The following DYNAP variants were observed in gnomAD, a reference collection of about 807,000 sequenced individuals.
DYNAP encodes dynactin-associated protein.
DYNAP carries 7 observed loss-of-function variants against 8.5 expected under a neutral mutation model. The ratio of observed to expected loss-of-function variants is 0.82; its 90% CI spans 0.47 to 1.54. The LOEUF is 1.54. DYNAP is among the 40% of genes most tolerant of loss of function. DYNAP has a pLI of 0.01. For missense variants in DYNAP, 256 were observed against 224.3 expected, an observed-to-expected ratio of 1.14 and a Z score of -0.90; for synonymous variants, 77 against 77.9, an observed-to-expected ratio of 0.99 and a Z score of 0.06.
rs141475163 is a variant in DYNAP at position 54,591,856 on chromosome 18, C to A, written c.57+517C>A. On this transcript the variant is annotated intron_variant, in intron 1 of 2. Coordinates refer to ENST00000648945, the MANE Select transcript of DYNAP (RefSeq NM_173629.3). ...CTGCTTTTTAAAAAATATTTTTATA[C>A]CAAAAACCAAGCCTTCAGTGTATAG... is the stretch of plus-strand genomic sequence containing the variant. Among the ~76,000 whole-genome samples, 6 of 152,076 alleles carry A rather than the reference C, an allele frequency of 3.9e-5. No homozygotes were observed. In the East Asian group the frequency reaches 1.2e-3, roughly 29 times the overall value.
chr18:54,575,627 G>T, the DYNAP span, among the ~76,000 whole-genome samples: 331 of 151,880 alleles, frequency 2.2e-3, 2 homozygotes, highest in African/African-American at 7.4e-3. Context: ...TTGTAGAGAC[G>T]GGGGTCTCAC....
At chr18:54,595,186 T>A in intron 2 of DYNAP, 83 bp downstream of exon 2, 1 of 1,375,680 alleles carries the variant, frequency 7.3e-7, no homozygotes, top group Non-Finnish European at 9.6e-7. Context: ...TCCCAAGAAA[T>A]GTACTTAATT....
chr18:54,592,311 CT>C (rs1426444905), intron 1 of DYNAP, among the ~76,000 whole-genome samples: 1 of 151,968 alleles, frequency 6.6e-6, no homozygotes, highest in Non-Finnish European at 1.5e-5. Flanking sequence ...TATGTATCAT[CT>C]TGATAGTTTT....
rs1911439779 is a variant in DYNAP, at chr18:54,599,323, A to C, written c.*1178A>C. On this transcript the variant is annotated 3_prime_UTR_variant, in exon 3 of 3. Transcript: ENST00000648945. ...CTTAAAACTTGATAGAACTAGCATC[A>C]GTCATCAAAATAACCTGTTCTATAT... 1 of 152,146 alleles carries C rather than the reference A, an allele frequency of 6.6e-6. No individual in the cohort carries two copies. The highest frequency in any genetic ancestry group is 1.5e-5 in the Non-Finnish European group (1 of 68,002). The allele number at this position is 152,146 out of a possible 1,614,324, so 9.4% of individuals were successfully genotyped here. A position where few individuals can be genotyped will look rare whatever the true frequency, so the allele number is the denominator to read the frequency against.
chr18:54,577,649 CAAAAG>C, the DYNAP span, among the ~76,000 whole-genome samples: 2 of 145,406 alleles, frequency 1.4e-5, no homozygotes, highest in East Asian at 4.0e-4. Context: ...CTTATTGTCT[CAAAAG>C]AAAAGAAAAG....
upstream of DYNAP, among the ~76,000 whole-genome samples, chr18:54,582,835 A>G (rs1189554119): frequency 6.6e-6 from 1 of 152,130 alleles, no homozygotes; most frequent in Non-Finnish European, 1.5e-5. Context: ...AAGCTACCCT[A>G]GCTTTCATTA....
chr18:54,591,388 T>A, intron 1 of DYNAP, 49 bp downstream of exon 1: 1 of 1,551,944 alleles, frequency 6.4e-7, no homozygotes, highest in Non-Finnish European at 8.7e-7. Flanking sequence ...TACAGTTTCA[T>A]TTTCAGCATT....
At chr18:54,596,420 G>A (rs1911291132) in intron 2 of DYNAP, among the ~76,000 whole-genome samples, 1 of 152,060 alleles carries the variant, frequency 6.6e-6, no homozygotes, top group South Asian at 2.1e-4. Context: ...CCTGGGGACT[G>A]TTTAAGACCA....
upstream of DYNAP, among the ~76,000 whole-genome samples, chr18:54,586,434 GA>G (rs1357869757): frequency 6.6e-6 from 1 of 152,164 alleles, no homozygotes; most frequent in East Asian, 1.9e-4. Flanking sequence ...TTAGAAACCT[GA>G]ATTCCAGCCA....
At chr18:54,595,667 C>A (rs998136633) in intron 2 of DYNAP, among the ~76,000 whole-genome samples, 1 of 152,118 alleles carries the variant, frequency 6.6e-6, no homozygotes, top group African/African-American at 2.4e-5. Context: ...AGACTCAGCT[C>A]TCCTTGGTTC....
At chr18:54,578,496 A>G in the DYNAP span, among the ~76,000 whole-genome samples, 1 of 152,248 alleles carries the variant, frequency 6.6e-6, no homozygotes, top group Non-Finnish European at 1.5e-5. Context: ...TTTCAAATAT[A>G]AAGAGCAATC....
the DYNAP span, among the ~76,000 whole-genome samples, chr18:54,576,967 T>C: frequency 2.0e-5 from 3 of 152,214 alleles, no homozygotes. Flanking sequence ...TATTCTAATA[T>C]CATTCTTGGC....
At chr18:54,584,155 T>C (rs112463838), upstream of DYNAP, among the ~76,000 whole-genome samples, 5,685 of 151,640 alleles carry the variant, frequency 0.037, 349 homozygotes, top group African/African-American at 0.13. Context: ...GGAAACAATA[T>C]TGGAAATATA....
At chr18:54,579,116 A>C in the DYNAP span, among the ~76,000 whole-genome samples, 6 of 152,126 alleles carry the variant, frequency 3.9e-5, no homozygotes, top group Non-Finnish European at 8.8e-5. Flanking sequence ...GCAGTTTATT[A>C]ACTTCTCAAC....
At chr18:54,581,866 T>C in the DYNAP span, among the ~76,000 whole-genome samples, 1 of 152,214 alleles carries the variant, frequency 6.6e-6, no homozygotes, top group Non-Finnish European at 1.5e-5. Flanking sequence ...TCCACTTAGC[T>C]CCACAAGAAT....
chr18:54,592,945 G>C (rs1298958776), intron 1 of DYNAP, among the ~76,000 whole-genome samples: 1 of 152,108 alleles, frequency 6.6e-6, no homozygotes, highest in Non-Finnish European at 1.5e-5. Flanking sequence ...AAAATGTTCA[G>C]GTTCATCAGC....
At position 54,598,220 on chromosome 18, in the gene DYNAP, G is replaced by A; in HGVS notation, c.*75G>A. ...TTCAACTCAGTTTGCAACTATAATAGCTACTCCTATCACTTCAAGTGGAAT... is the reference window on the plus strand; with the variant it reads ...TTCAACTCAGTTTGCAACTATAATAACTACTCCTATCACTTCAAGTGGAAT... On this transcript the variant is annotated 3_prime_UTR_variant, in exon 3 of 3. Coordinates refer to ENST00000648945, the MANE Select transcript of DYNAP (RefSeq NM_173629.3). 7.0e-7 allele frequency: 1 copy of A among 1,431,320 alleles called. No homozygotes were observed. The highest frequency in any genetic ancestry group is 2.3e-5 in the East Asian group (1 of 43,240). 88.7% of individuals were successfully genotyped at this position (1,431,320 alleles called of 1,614,324 possible). A position where few individuals can be genotyped will look rare whatever the true frequency, so the allele number is the denominator to read the frequency against.
chr18:54,594,949 A>G lies in DYNAP; in HGVS notation c.68A>G (p.His23Arg), dbSNP rs1911224892. 1 of 1,610,510 alleles carries G rather than the reference A, an allele frequency of 6.2e-7. No individual in the cohort carries two copies. Among genetic ancestry groups the G allele is most frequent in the Admixed American group, 1.7e-5 (1 of 59,648 alleles). The change falls in exon 2 of 3, where the codon CAT (histidine) becomes CGT (arginine). Residue 23 changes from histidine (H) to arginine (R), a missense_variant. By Grantham distance (29) the His-to-Arg change is conservative (BLOSUM62 0). Transcript: ENST00000648945. ...EHSENQPPIT[H>R]PNDQEAHSSI... ...ACTCTGCCTTTGTAGCCAATCACAC[A>G]TCCAAATGACCAAGAGGCTCACAGT...
chr18:54,582,403 TAA>T, the DYNAP span, among the ~76,000 whole-genome samples: 1 of 151,256 alleles, frequency 6.6e-6, no homozygotes, highest in Non-Finnish European at 1.5e-5. Context: ...ATTTCTGTTA[TAA>T]GTCAGAAATA....
Sources: gnomAD v4.1 joint callset for allele counts (sites outside exome capture counted in the v4.1 genomes callset) on GRCh38, gnomAD v4.1.1 for gene constraint, MANE v1.5 for transcripts, NCBI Gene and HGNC (gene_info 2026-07-23, HGNC 2026-07-21) for gene names.